Variants in SNX31 observed in about 807,000 individuals in gnomAD.
SNX31 encodes the protein sorting nexin-31.
In SNX31, 58 loss-of-function variants were observed where a neutral mutation model predicts 65.4. That is an observed-to-expected ratio of 0.89 (90% CI 0.72 to 1.10). SNX31 has a LOEUF of 1.10. Ranked by LOEUF, SNX31 falls within the 50% of genes least tolerant of loss-of-function variation. The pLI, the probability that SNX31 is intolerant of heterozygous loss-of-function variation, is 0.00. For missense variants in SNX31, 523 were observed against 529.7 expected (o/e 0.99, Z 0.12); for synonymous variants, 181 against 190.1 (o/e 0.95, Z 0.39).
chr8:100,589,581 G>A (rs1302933538), intron 10 of SNX31, among the ~76,000 whole-genome samples: 3 of 152,172 alleles, frequency 2.0e-5, no homozygotes. Flanking sequence ...GTTTTATTTT[G>A]TAGTGTGTAG....
At chr8:100,602,435 C>T (rs1815730660) in intron 8 of SNX31, among the ~76,000 whole-genome samples, 1 of 152,198 alleles carries the variant, frequency 6.6e-6, no homozygotes, top group South Asian at 2.1e-4. Context: ...TCAGGGGACA[C>T]TATCCAAGAC....
intron 3 of SNX31, among the ~76,000 whole-genome samples, chr8:100,634,862 C>T (rs1191897179): frequency 5.9e-5 from 9 of 151,950 alleles, no homozygotes; most frequent in Non-Finnish European, 1.3e-4. Context: ...TTGAGACCAG[C>T]CTGGGCAATA....
chr8:100,601,449 G>C lies in SNX31; in HGVS notation c.682-1008C>G, dbSNP rs79335253. On this transcript the variant is annotated intron_variant, in intron 8 of 13. Coordinates refer to ENST00000311812, the MANE Select transcript of SNX31 (RefSeq NM_152628.4). ...TAAAACAACATAAAACCCTCATATG[G>C]ATACTTACAAGTCAAGGAAATGGAT... is the stretch of plus-strand genomic sequence containing the variant. 3.1e-3 allele frequency among the ~76,000 whole-genome samples: 468 copies of C among 152,132 alleles called. 3 individuals are homozygous for C. Among genetic ancestry groups the C allele is most frequent in the Middle Eastern group, 0.014 (4 of 292 alleles).
At position 100,575,326 on chromosome 8, in the gene SNX31, T is replaced by C. The variant is rs75160821; in HGVS notation, c.1228-1366A>G. Among the ~76,000 whole-genome samples, 5,730 of 152,322 alleles carry C rather than the reference T, an allele frequency of 0.038. 349 individuals carry two copies. Among genetic ancestry groups the C allele is most frequent in the African/African-American group, 0.13 (5,237 of 41,536 alleles). On this transcript the variant is annotated intron_variant, in intron 13 of 13. Coordinates refer to ENST00000311812, the MANE Select transcript of SNX31 (RefSeq NM_152628.4). This position sits in a 1 kb window ranked among gnomAD's most constrained non-coding sequence, Gnocchi z 5.1. ...AAGGATAATAACAGTGCTTTGGTTG[T>C]TTATTGGGATTAAACGAGTTATACA...
chr8:100,652,730 C>T (rs776234204), upstream of SNX31, among the ~76,000 whole-genome samples: 33 of 152,214 alleles, frequency 2.2e-4, no homozygotes, highest in Non-Finnish European at 4.7e-4. Flanking sequence ...CTGTCTTGTT[C>T]TGGAACTTTC....
At chr8:100,597,241 C>T (rs1395237455) in intron 9 of SNX31, among the ~76,000 whole-genome samples, 1 of 150,714 alleles carries the variant, frequency 6.6e-6, no homozygotes, top group Non-Finnish European at 1.5e-5. Context: ...AAAAAGTGTA[C>T]ATTGGCTTTT....
chr8:100,593,426 G>C lies in SNX31; in HGVS notation c.978+3213C>G, dbSNP rs190507450. Among the ~76,000 whole-genome samples, 7 of 152,198 alleles carry C rather than the reference G, an allele frequency of 4.6e-5. No homozygotes were observed. The East Asian group carries it at 1.3e-3, about 29-fold the overall frequency. On this transcript the variant is annotated intron_variant, in intron 10 of 13. Transcript: ENST00000311812. ...AACAAACAAACAAAAGGTTGGGGAT[G>C]GGGGGATAACCACCTTATTTTTATT...
At chr8:100,637,161 T>C (rs941172258) in intron 2 of SNX31, among the ~76,000 whole-genome samples, 1 of 152,258 alleles carries the variant, frequency 6.6e-6, no homozygotes, top group African/African-American at 2.4e-5. Flanking sequence ...GCAGTAATTA[T>C]TTTTATGGAA....
At chr8:100,607,278 G>A (rs1816251029) in intron 8 of SNX31, among the ~76,000 whole-genome samples, 1 of 152,160 alleles carries the variant, frequency 6.6e-6, no homozygotes, top group African/African-American at 2.4e-5. Context: ...GCCAAGCCTG[G>A]AAAAGATCAG....
At chr8:100,643,253 T>C (rs1275435463) in intron 2 of SNX31, among the ~76,000 whole-genome samples, 1 of 152,128 alleles carries the variant, frequency 6.6e-6, no homozygotes, top group Admixed American at 6.6e-5. Flanking sequence ...CTGTACCAAC[T>C]ACCCCTTCGT....
intron 4 of SNX31, among the ~76,000 whole-genome samples, chr8:100,627,073 G>T (rs749235693): frequency 4.6e-5 from 7 of 152,092 alleles, no homozygotes; most frequent in Admixed American, 1.3e-4. Context: ...CACAAAACTG[G>T]CTGGGCGCAG....
intron 2 of SNX31, among the ~76,000 whole-genome samples, chr8:100,645,744 T>C (rs1449215377): frequency 1.3e-5 from 2 of 151,524 alleles, no homozygotes. Context: ...CCTGAATAGC[T>C]GGAATTACAG....
At chr8:100,645,445 G>A (rs1185710976) in intron 2 of SNX31, among the ~76,000 whole-genome samples, 1 of 152,084 alleles carries the variant, frequency 6.6e-6, no homozygotes, top group Non-Finnish European at 1.5e-5. Flanking sequence ...GACTTAGGGT[G>A]GCCAGATAAA....
At chr8:100,642,182 A>C (rs58595285) in intron 2 of SNX31, among the ~76,000 whole-genome samples, 2,439 of 152,302 alleles carry the variant, frequency 0.016, 63 homozygotes, top group African/African-American at 0.055. Flanking sequence ...TCCCAGTTGG[A>C]GCATTATCCC....
chr8:100,607,943 G>A (rs11780791), intron 8 of SNX31, among the ~76,000 whole-genome samples: 7,753 of 152,312 alleles, frequency 0.051, 212 homozygotes, highest in South Asian at 0.088. Context: ...CCCAGCTGGA[G>A]CCAATGGCAG....
chr8:100,636,114 T>A (rs910136726), intron 2 of SNX31, 103 bp from the exon 3 acceptor site: 1 of 737,418 alleles, frequency 1.4e-6, no homozygotes, highest in Non-Finnish European at 2.3e-6. Flanking sequence ...CAGCACTTTA[T>A]TTCAAATTAA....
chr8:100,583,423 A>G (rs1813737718), intron 12 of SNX31, among the ~76,000 whole-genome samples: 1 of 150,816 alleles, frequency 6.6e-6, no homozygotes, highest in Admixed American at 6.8e-5. Context: ...TGGTATTTCT[A>G]ATCATTTAAA....
chr8:100,600,530 A>G (rs1261611022), intron 8 of SNX31, 89 bp from the exon 9 acceptor site: 2 of 1,013,030 alleles, frequency 2.0e-6, no homozygotes, highest in Non-Finnish European at 3.0e-6. Flanking sequence ...GGGATATAAA[A>G]ACAAACCCAA....
intron 9 of SNX31, 92 bp downstream of exon 9, chr8:100,600,257 G>T: frequency 1.9e-6 from 2 of 1,040,622 alleles, no homozygotes; most frequent in Non-Finnish European, 2.9e-6. Context: ...TTTAGTGCTT[G>T]GTAGGTTTAT....
Sources: gnomAD v4.1 joint callset for allele counts (sites outside exome capture counted in the v4.1 genomes callset) on GRCh38, gnomAD v4.1.1 for gene constraint, Gnocchi (gnomAD v3.1) non-coding constraint, MANE v1.5 for transcripts, NCBI Gene and HGNC (gene_info 2026-07-23, HGNC 2026-07-21) for gene names.